MYH9: variants seen among roughly 807,000 people sequenced by gnomAD.
MYH9 encodes the protein myosin heavy chain 9.
A neutral mutation model predicts 241.9 loss-of-function variants in MYH9; 29 were observed. That is an observed-to-expected ratio of 0.12 (90% CI 0.09 to 0.16). The LOEUF (loss-of-function observed/expected upper bound fraction) is 0.16. MYH9 is among the 10% of genes least tolerant of loss of function. MYH9 has a pLI of 1.00. For missense variants in MYH9, 1,803 were observed against 2,595.5 expected, an observed-to-expected ratio of 0.69 and a Z score of 6.63; for synonymous variants, 1,047 against 1,062.6, an observed-to-expected ratio of 0.99 and a Z score of 0.29.
intron 1 of MYH9, among the ~76,000 whole-genome samples, chr22:36,363,409 G>C (rs527627674): frequency 6.6e-6 from 1 of 152,152 alleles, no homozygotes; most frequent in African/African-American, 2.4e-5. Flanking sequence ...CTGGGAACCT[G>C]GCAGTCCAAG....
At position 36,306,319 on chromosome 22, in the gene MYH9, G is replaced by C. The variant is rs1040141521; in HGVS notation, c.2037+95C>G. Reference sequence around the variant, plus strand: ...CGACTGAAGGCTCTGTGCATGCTGGGGGGCTGGAGGGGTGCTTTTGCTGGG... The same window carrying C: ...CGACTGAAGGCTCTGTGCATGCTGGCGGGCTGGAGGGGTGCTTTTGCTGGG... On this transcript the variant is annotated intron_variant, in intron 16 of 40. Transcript: ENST00000216181. The surrounding 1 kb of genome is among the most constrained non-coding windows in gnomAD (Gnocchi z 4.1). 5 of 1,501,126 alleles carry C rather than the reference G, an allele frequency of 3.3e-6. No homozygotes were observed. In the African/African-American group the frequency reaches 4.1e-5, roughly 12 times the overall value. The allele number at this position is 1,501,126 out of a possible 1,614,324, so 93.0% of individuals were successfully genotyped here.
intron 13 of MYH9, 75 bp from the exon 14 acceptor site, chr22:36,312,297 C>T (rs748247543): frequency 2.7e-6 from 4 of 1,474,184 alleles, no homozygotes; most frequent in Non-Finnish European, 2.8e-6. Context: ...AGCCAAAGCC[C>T]GGACATCAGA....
At chr22:36,350,577 A>G (rs980607699) in intron 1 of MYH9, among the ~76,000 whole-genome samples, 1 of 152,258 alleles carries the variant, frequency 6.6e-6, no homozygotes, top group African/African-American at 2.4e-5. Context: ...ATATATCTGT[A>G]TGGTTTTATA....
chr22:36,381,528 A>G (rs937322996), intron 1 of MYH9, among the ~76,000 whole-genome samples: 3 of 151,964 alleles, frequency 2.0e-5, no homozygotes, highest in Non-Finnish European at 2.9e-5. Context: ...AAAAAAAAAA[A>G]AAAGTATTGA....
At chr22:36,357,632 C>T (rs988833642) in intron 1 of MYH9, among the ~76,000 whole-genome samples, 1 of 152,150 alleles carries the variant, frequency 6.6e-6, no homozygotes, top group Admixed American at 6.5e-5. Context: ...TGTGAACAAA[C>T]GCAGCACTAT....
intron 1 of MYH9, among the ~76,000 whole-genome samples, chr22:36,356,450 G>A (rs746412342): frequency 1.4e-4 from 21 of 151,670 alleles, no homozygotes; most frequent in Non-Finnish European, 2.7e-4. Flanking sequence ...GCGTGGTGGC[G>A]CGTGCCTGTA....
chr22:36,282,863 A>G, intron 40 of MYH9, 78 bp from the exon 41 acceptor site: 11 of 1,272,034 alleles, frequency 8.6e-6, no homozygotes, highest in Non-Finnish European at 1.2e-5. Context: ...CACACATCTC[A>G]AAGTGAATTC....
chr22:36,354,997 A>ACG (rs2017833556), intron 1 of MYH9, among the ~76,000 whole-genome samples: 1 of 151,566 alleles, frequency 6.6e-6, no homozygotes, highest in Non-Finnish European at 1.5e-5. Context: ...ACACACACAC[A>ACG]CACAGAGGAA....
chr22:36,309,248 A>G (rs1394859393), intron 15 of MYH9, 34 bp downstream of exon 15: 1 of 1,571,452 alleles, frequency 6.4e-7, no homozygotes, highest in Admixed American at 1.7e-5. Context: ...GCCGCAGCCA[A>G]GAGGAGGCAG....
At chr22:36,344,831 C>A (rs1438820492) in intron 2 of MYH9, among the ~76,000 whole-genome samples, 1 of 152,220 alleles carries the variant, frequency 6.6e-6, no homozygotes, top group African/African-American at 2.4e-5. Flanking sequence ...CAAGCTCAGG[C>A]AGGCTCAGGT....
chr22:36,312,234 G>A lies in MYH9; in HGVS notation c.1555-12C>T, dbSNP rs148641114. The A allele has an allele frequency of 6.4e-4, 1,031 of 1,613,786 alleles. 7 individuals are homozygous for A. The African/African-American group carries it at 0.011, about 18-fold the overall frequency. On this transcript the variant is annotated splice_polypyrimidine_tract_variant and intron_variant, in intron 13 of 40. Coordinates refer to ENST00000216181, the MANE Select transcript of MYH9 (RefSeq NM_002473.6). ...CCCGGGGGGCCTGCCTGGAGGAAGC[G>A]CAGCATCAGCACAGGTGAGTGCACC...
At chr22:36,294,893 A>G in intron 27 of MYH9, 39 bp downstream of exon 27, 1 of 1,606,012 alleles carries the variant, frequency 6.2e-7, no homozygotes, top group Non-Finnish European at 8.5e-7. Context: ...AGCACGGGGA[A>G]CCCTGCCCTC....
intron 1 of MYH9, among the ~76,000 whole-genome samples, chr22:36,371,418 C>T (rs1335300499): frequency 6.6e-6 from 1 of 152,172 alleles, no homozygotes; most frequent in Non-Finnish European, 1.5e-5. Flanking sequence ...TCAAAGGAAA[C>T]CAAGCCTGTC....
At chr22:36,385,493 G>A (rs1040099321) in intron 1 of MYH9, among the ~76,000 whole-genome samples, 4 of 152,162 alleles carry the variant, frequency 2.6e-5, no homozygotes, top group Non-Finnish European at 5.9e-5. Context: ...CAAAAGGCAG[G>A]CTGTGATTAA....
chr22:36,281,556 A>G lies in MYH9; in HGVS notation c.*1112T>C, dbSNP rs2016488972. On this transcript the variant is annotated 3_prime_UTR_variant, in exon 41 of 41. Transcript: ENST00000216181. ...CGTAAGTCTCAATGCAGCATATACAAAACAGTTAGGAATACAAGTAAATTC... is the reference window on the plus strand; with the variant it reads ...CGTAAGTCTCAATGCAGCATATACAGAACAGTTAGGAATACAAGTAAATTC... The G allele has an allele frequency of 4.4e-6, 1 of 229,152 alleles. No homozygotes were observed. The allele number at this position is 229,152 out of a possible 1,614,324, so 14.2% of individuals were successfully genotyped here.
Position 36,306,562 on chromosome 22 carries a change from G to A in MYH9, c.1889C>T (p.Thr630Ile), listed in dbSNP as rs1186383756. Residue 630 changes from threonine to isoleucine, a missense_variant, in exon 16 of 41, where the codon ACC (threonine) becomes ATC (isoleucine). Thr to Ile is a moderately conservative substitution (Grantham distance 89). Around this residue, in one of 11 missense-constraint regions of MYH9, gnomAD observed 163 missense variants for 349.7 expected, o/e 0.47. Coordinates refer to ENST00000216181, the MANE Select transcript of MYH9 (RefSeq NM_002473.6). This position sits in a 1 kb window ranked among gnomAD's most constrained non-coding sequence, Gnocchi z 4.1. ...CGTCTTGAAGGCCCCGGGCAGTGCG[G>A]TCTCCGACATGCCGGCCACCTGGTC... ...GLDQVAGMSE[T>I]ALPGAFKTRK... is the part of the protein sequence containing the mutation. 1.2e-6 allele frequency: 2 copies of A among 1,613,946 alleles called. No individual in the cohort carries two copies. The highest frequency in any genetic ancestry group is 1.7e-6 in the Non-Finnish European group (2 of 1,180,024).
rs752946952 is a variant in MYH9, at chr22:36,306,400, C to CCAGG, written c.2037+10_2037+13dup. ...ACAGTGCCCTGCCCGGGCCACCCCA[C>CCAGG]CAGGCAGCCGCACCTTCTTCTCGTG... On this transcript the variant is annotated intron_variant, in intron 16 of 40. Transcript: ENST00000216181. The surrounding 1 kb of genome is among the most constrained non-coding windows in gnomAD (Gnocchi z 4.1). The CCAGG allele has an allele frequency of 6.2e-7, 1 of 1,613,892 alleles. No homozygotes were observed. The highest frequency in any genetic ancestry group is 8.5e-7 in the Non-Finnish European group (1 of 1,180,026).
At chr22:36,286,957 G>T in intron 34 of MYH9, 111 bp from the exon 35 acceptor site, 1 of 1,509,104 alleles carries the variant, frequency 6.6e-7, no homozygotes, top group Middle Eastern at 2.1e-4. Flanking sequence ...ACTCAATGCT[G>T]TATTTAACCA....
chr22:36,299,383 G>A (rs973749464), intron 23 of MYH9, among the ~76,000 whole-genome samples: 2 of 152,210 alleles, frequency 1.3e-5, no homozygotes, highest in Admixed American at 6.5e-5. Flanking sequence ...GCTCACCTGC[G>A]CCACCAGGCC....
Sources: gnomAD v4.1 joint callset for allele counts (sites outside exome capture counted in the v4.1 genomes callset) on GRCh38, gnomAD v4.1.1 for gene constraint, gnomAD v4.1.1 regional missense constraint, Gnocchi (gnomAD v3.1) non-coding constraint, MANE v1.5 for transcripts, NCBI Gene and HGNC (gene_info 2026-07-23, HGNC 2026-07-21) for gene names.